Variants in NHLRC2 observed in about 807,000 individuals in gnomAD.
The protein encoded by NHLRC2 is NHL repeat containing 2.
NHLRC2 carries 33 observed loss-of-function variants against 68.1 expected under a neutral mutation model. The observed-to-expected ratio is 0.48, with a 90% CI of 0.37 to 0.65. The LOEUF is 0.65. Ranked by LOEUF, NHLRC2 falls within the 30% of genes least tolerant of loss-of-function variation. The pLI is 0.00. For missense variants in NHLRC2, 761 were observed against 853.8 expected, an observed-to-expected ratio of 0.89 and a Z score of 1.35; for synonymous variants, 311 against 309.6, an observed-to-expected ratio of 1.00 and a Z score of -0.05.
Position 113,896,851 on chromosome 10 carries a change from G to A in NHLRC2, c.1040-1259G>A, listed in dbSNP as rs538468137. On this transcript the variant is annotated intron_variant, in intron 5 of 10. Coordinates refer to ENST00000369301, the MANE Select transcript of NHLRC2 (RefSeq NM_198514.4). Reference sequence around the variant, plus strand: ...CTACTAAAAATACAAAAAATTAGCCGGGCATGGTGGCGGGTGCCTGTAGTC... The same window carrying A: ...CTACTAAAAATACAAAAAATTAGCCAGGCATGGTGGCGGGTGCCTGTAGTC... Among the ~76,000 whole-genome samples the A allele has an allele frequency of 3.6e-3, 548 of 151,834 alleles. 2 individuals are homozygous for A. Among genetic ancestry groups the A allele is most frequent in the African/African-American group, 0.013 (520 of 41,396 alleles).
chr10:113,883,574 C>T (rs1402238966), intron 4 of NHLRC2, among the ~76,000 whole-genome samples: 1 of 151,598 alleles, frequency 6.6e-6, no homozygotes, highest in African/African-American at 2.4e-5. Flanking sequence ...AAAATTTTCC[C>T]AATACATTGT....
intron 6 of NHLRC2, among the ~76,000 whole-genome samples, chr10:113,899,601 T>C (rs1468576914): frequency 6.6e-6 from 1 of 152,150 alleles, no homozygotes; most frequent in Non-Finnish European, 1.5e-5. Context: ...TAAAAGTTAG[T>C]GTGTGCAAAA....
chr10:113,884,118 C>A, intron 4 of NHLRC2, 133 bp from the exon 5 acceptor site: 1 of 653,488 alleles, frequency 1.5e-6, no homozygotes, highest in Non-Finnish European at 2.5e-6. Flanking sequence ...ATTGATTGGC[C>A]TTTTTTCATA....
At chr10:113,866,995 T>C (rs1036681532) in intron 2 of NHLRC2, among the ~76,000 whole-genome samples, 1 of 152,170 alleles carries the variant, frequency 6.6e-6, no homozygotes, top group African/African-American at 2.4e-5. Flanking sequence ...TTTGGGATGT[T>C]GCCAACCAGA....
intron 2 of NHLRC2, among the ~76,000 whole-genome samples, chr10:113,872,654 G>A (rs1210847545): frequency 2.0e-5 from 3 of 150,692 alleles, no homozygotes; most frequent in Admixed American, 2.0e-4. Context: ...ATTCAAAATT[G>A]TATTACAAAT....
Position 113,912,313 on chromosome 10 carries a change from C to T in NHLRC2, c.*3777C>T, listed in dbSNP as rs1457222389. On this transcript the variant is annotated 3_prime_UTR_variant, in exon 11 of 11. Coordinates refer to ENST00000369301, the MANE Select transcript of NHLRC2 (RefSeq NM_198514.4). ...GGGACCATAAACACATATCACCCTA[C>T]ATTTTCTTTGCAACTACAATTTGTG... is the stretch of plus-strand genomic sequence containing the variant. The T allele has an allele frequency of 6.6e-6, 1 of 152,190 alleles. No homozygotes were observed. The highest frequency in any genetic ancestry group is 1.5e-5 in the Non-Finnish European group (1 of 68,024). The allele number at this position is 152,190 out of a possible 1,614,324, so 9.4% of individuals were successfully genotyped here. A position where few individuals can be genotyped will look rare whatever the true frequency, so the allele number is the denominator to read the frequency against.
rs111960425 is a variant in NHLRC2 at position 113,858,399 on chromosome 10, T to C, written c.179-129T>C. On this transcript the variant is annotated intron_variant, in intron 1 of 10. Coordinates refer to ENST00000369301, the MANE Select transcript of NHLRC2 (RefSeq NM_198514.4). ...ATACATGCAACTGCCACAGCCTTTA[T>C]ATGGTGCTACTCTCTCAAAGTGTTT... 4,260 of 607,712 alleles carry C rather than the reference T, an allele frequency of 7.0e-3. 142 individuals are homozygous for C. In the African/African-American group the frequency reaches 0.073, roughly 10 times the overall value. 37.6% of individuals were successfully genotyped at this position (607,712 alleles called of 1,614,324 possible).
At chr10:113,895,614 A>C (rs1250692390) in intron 5 of NHLRC2, among the ~76,000 whole-genome samples, 1 of 152,112 alleles carries the variant, frequency 6.6e-6, no homozygotes, top group African/African-American at 2.4e-5. Flanking sequence ...TTAGCACCTA[A>C]CATGATGCCT....
At chr10:113,897,791 A>G (rs1446240498) in intron 5 of NHLRC2, among the ~76,000 whole-genome samples, 1 of 148,904 alleles carries the variant, frequency 6.7e-6, no homozygotes, top group Non-Finnish European at 1.5e-5. Context: ...TCAGATGTTT[A>G]AAACATTGTT....
chr10:113,882,534 A>G (rs1003537973), intron 4 of NHLRC2, among the ~76,000 whole-genome samples: 1 of 151,668 alleles, frequency 6.6e-6, no homozygotes, highest in Non-Finnish European at 1.5e-5. Context: ...CAAATTTTTA[A>G]TTGGGTTGTC....
At chr10:113,906,225 G>A (rs1846273921) in intron 10 of NHLRC2, among the ~76,000 whole-genome samples, 1 of 152,124 alleles carries the variant, frequency 6.6e-6, no homozygotes, top group South Asian at 2.1e-4. Flanking sequence ...ATTAACATTG[G>A]TCTGCATTGT....
intron 8 of NHLRC2, 132 bp from the exon 9 acceptor site, chr10:113,903,395 C>T: frequency 1.5e-6 from 1 of 652,198 alleles, no homozygotes; most frequent in South Asian, 1.8e-5. Context: ...ATGGAAATAA[C>T]TATTCCTTTT....
chr10:113,868,505 A>G (rs923105122), intron 2 of NHLRC2, among the ~76,000 whole-genome samples: 6 of 152,258 alleles, frequency 3.9e-5, no homozygotes, highest in African/African-American at 1.4e-4. Flanking sequence ...GTAGATCAAT[A>G]TAGATCTCCT....
At chr10:113,904,249 A>G (rs1190297555) in intron 9 of NHLRC2, among the ~76,000 whole-genome samples, 1 of 152,066 alleles carries the variant, frequency 6.6e-6, no homozygotes, top group Non-Finnish European at 1.5e-5. Context: ...AATGAGTTAT[A>G]GTCAGTTTTT....
intron 5 of NHLRC2, among the ~76,000 whole-genome samples, chr10:113,887,097 A>T (rs922514714): frequency 6.6e-6 from 1 of 152,244 alleles, no homozygotes; most frequent in Non-Finnish European, 1.5e-5. Context: ...TGGTAAGCAG[A>T]TATATGAGAA....
At position 113,911,326 on chromosome 10, in the gene NHLRC2, T is replaced by A. The variant is rs978974541; in HGVS notation, c.*2790T>A. On this transcript the variant is annotated 3_prime_UTR_variant, in exon 11 of 11. Transcript: ENST00000369301. ...GAACATTCTGTCTTAAGCAAATATT[T>A]AACAAGAGAAAACTTTGTAGTTTAA... The A allele has an allele frequency of 8.5e-5, 13 of 152,160 alleles. No individual in the cohort carries two copies. The highest frequency in any genetic ancestry group is 1.9e-4 in the Non-Finnish European group (13 of 68,000). 9.4% of individuals were successfully genotyped at this position (152,160 alleles called of 1,614,324 possible). A position where few individuals can be genotyped will look rare whatever the true frequency, so the allele number is the denominator to read the frequency against.
At chr10:113,858,331 C>A (rs1229692838) in intron 1 of NHLRC2, among the ~76,000 whole-genome samples, 197 bp from the exon 2 acceptor site, 1 of 151,378 alleles carries the variant, frequency 6.6e-6, no homozygotes, top group Non-Finnish European at 1.5e-5. Context: ...TCTTTTATTT[C>A]TTTTGTTGAT....
rs1384859015 is a variant in NHLRC2 at position 113,912,295 on chromosome 10, TA to T, written c.*3762del. The stretch of plus-strand genomic sequence containing the variant: ...TTACTGTAATGATAATTTGGGACCA[TA>T]AACACATATCACCCTACATTTTCTT... On this transcript the variant is annotated 3_prime_UTR_variant, in exon 11 of 11. Transcript: ENST00000369301. 1 of 152,200 alleles carries T rather than the reference TA, an allele frequency of 6.6e-6. No homozygotes were observed. The highest frequency in any genetic ancestry group is 1.5e-5 in the Non-Finnish European group (1 of 68,026). 9.4% of individuals were successfully genotyped at this position (152,200 alleles called of 1,614,324 possible).
chr10:113,858,046 CTTT>C (rs529701767), intron 1 of NHLRC2, among the ~76,000 whole-genome samples: 25 of 131,582 alleles, frequency 1.9e-4, no homozygotes, highest in Admixed American at 2.3e-4. Context: ...ATATTTCTTC[CTTT>C]TTTTTTTTTT....
Sources: allele counts gnomAD v4.1 joint callset (sites outside exome capture counted in the v4.1 genomes callset), GRCh38; gene constraint gnomAD v4.1.1; transcripts MANE v1.5; gene names NCBI Gene and HGNC (gene_info 2026-07-23, HGNC 2026-07-21).